UBE2D1: variants seen among roughly 807,000 people sequenced by gnomAD.
UBE2D1 encodes ubiquitin-conjugating enzyme E2 D1.
A neutral mutation model predicts 24.6 loss-of-function variants in UBE2D1; 9 were observed. The ratio of observed to expected loss-of-function variants is 0.37; its 90% CI spans 0.22 to 0.64. The LOEUF (loss-of-function observed/expected upper bound fraction) is 0.64, where lower values mean the gene tolerates loss of function less well. UBE2D1 is among the 30% of genes least tolerant of loss of function. The probability of loss-of-function intolerance (pLI) is 0.64; values close to 1 mark genes in which losing one functional copy is unlikely to be tolerated. For synonymous variants in UBE2D1, 57 were observed against 57.6 expected (o/e 0.99, Z 0.04); for missense variants, 87 against 177.1 (o/e 0.49, Z 2.89).
chr10:58,364,697 G>A, intron 4 of UBE2D1, 74 bp from the exon 5 acceptor site: 1 of 1,092,488 alleles, frequency 9.2e-7, no homozygotes, highest in Non-Finnish European at 1.3e-6. Context: ...TTACCCTAGA[G>A]CAAATTGGTT....
At chr10:58,349,570 A>C (rs962824850) in intron 1 of UBE2D1, among the ~76,000 whole-genome samples, 1 of 152,192 alleles carries the variant, frequency 6.6e-6, no homozygotes, top group Non-Finnish European at 1.5e-5. Flanking sequence ...TTTGATAGCC[A>C]TCTTTTCCAT....
intron 5 of UBE2D1, 89 bp from the exon 6 acceptor site, chr10:58,367,834 A>G (rs1840273254): frequency 2.5e-6 from 2 of 798,500 alleles, no homozygotes; most frequent in East Asian, 5.2e-5. Flanking sequence ...TAAGTACAGT[A>G]TCTATATTCA....
At chr10:58,343,919 C>CT (rs1839988234) in intron 1 of UBE2D1, among the ~76,000 whole-genome samples, 1 of 152,148 alleles carries the variant, frequency 6.6e-6, no homozygotes, top group Non-Finnish European at 1.5e-5. Context: ...GGTTTTCTCT[C>CT]TTTTTTCTTC....
chr10:58,337,986 A>G (rs577894481), intron 1 of UBE2D1, among the ~76,000 whole-genome samples: 1 of 152,110 alleles, frequency 6.6e-6, no homozygotes, highest in South Asian at 2.1e-4. Flanking sequence ...AGCTGGGACT[A>G]CAGGCGCATG....
At chr10:58,346,330 C>T (rs1330253999) in intron 1 of UBE2D1, among the ~76,000 whole-genome samples, 3 of 152,000 alleles carry the variant, frequency 2.0e-5, no homozygotes, top group South Asian at 2.1e-4. Flanking sequence ...CACTCTTAAT[C>T]ATAGGCATCC....
chr10:58,369,359 A>G lies in UBE2D1; in HGVS notation c.*594A>G, dbSNP rs916898620. 6.6e-6 allele frequency: 1 copy of G among 152,518 alleles called. No homozygotes were observed. Among genetic ancestry groups the G allele is most frequent in the African/African-American group, 2.4e-5 (1 of 41,436 alleles). 9.4% of individuals were successfully genotyped at this position (152,518 alleles called of 1,614,324 possible). A position where few individuals can be genotyped will look rare whatever the true frequency, so the allele number is the denominator to read the frequency against. ...TTGCAGATTTCTTAAATCTGAAATG[A>G]TCTTTACACTGTAATTCTCAGCATA... On this transcript the variant is annotated 3_prime_UTR_variant, in exon 7 of 7. Coordinates refer to ENST00000373910, the MANE Select transcript of UBE2D1 (RefSeq NM_003338.5).
At chr10:58,341,005 T>C (rs1239485458) in intron 1 of UBE2D1, among the ~76,000 whole-genome samples, 1 of 152,230 alleles carries the variant, frequency 6.6e-6, no homozygotes, top group African/African-American at 2.4e-5. Flanking sequence ...ACTGACACAT[T>C]GCTCAAATGT....
rs1191239324 is a variant in UBE2D1 at position 58,341,158 on chromosome 10, G to A, written c.24+5933G>A. Among the ~76,000 whole-genome samples, 3 of 152,178 alleles carry A rather than the reference G, an allele frequency of 2.0e-5. No individual in the cohort carries two copies. The East Asian group carries it at 5.8e-4, about 29-fold the overall frequency. ...CCAAAAGGATTTTGAAACATTGGTT[G>A]TAGTTCATAAATGCTCTGTCAAAAG... On this transcript the variant is annotated intron_variant, in intron 1 of 6. Transcript: ENST00000373910.
chr10:58,335,055 G>T lies in UBE2D1; in HGVS notation c.-147G>T, dbSNP rs941981762. 19 of 816,184 alleles carry T rather than the reference G, an allele frequency of 2.3e-5. 1 individual carries two copies. The highest frequency in any genetic ancestry group is 5.0e-5 in the South Asian group (3 of 60,032). 50.6% of individuals were successfully genotyped at this position (816,184 alleles called of 1,614,324 possible). A position where few individuals can be genotyped will look rare whatever the true frequency, so the allele number is the denominator to read the frequency against. ...GGGCGCACACGGAGCAGGGACCGGC[G>T]CCCGGAGCGAGCCAGGGAGCGGCTA... On this transcript the variant is annotated 5_prime_UTR_variant, in exon 1 of 7. Coordinates refer to ENST00000373910, the MANE Select transcript of UBE2D1 (RefSeq NM_003338.5).
At chr10:58,340,981 A>G (rs1345602137) in intron 1 of UBE2D1, among the ~76,000 whole-genome samples, 1 of 152,202 alleles carries the variant, frequency 6.6e-6, no homozygotes, top group Non-Finnish European at 1.5e-5. Flanking sequence ...ACCTTGGCAT[A>G]TTTGATCATT....
chr10:58,361,439 A>C (rs1451530772), intron 2 of UBE2D1, 38 bp downstream of exon 2: 1 of 1,613,976 alleles, frequency 6.2e-7, no homozygotes, highest in African/African-American at 1.3e-5. Flanking sequence ...TGCTACCTTT[A>C]AAAATATAGG....
intron 1 of UBE2D1, among the ~76,000 whole-genome samples, chr10:58,344,239 G>A (rs1028775330): frequency 2.0e-5 from 3 of 152,134 alleles, no homozygotes; most frequent in African/African-American, 7.2e-5. Flanking sequence ...CCTTAATACA[G>A]TACTGGAGCA....
At chr10:58,348,030 C>CT (rs775759508) in intron 1 of UBE2D1, among the ~76,000 whole-genome samples, 2 of 152,114 alleles carry the variant, frequency 1.3e-5, no homozygotes, top group Non-Finnish European at 2.9e-5. Flanking sequence ...CTTCATCTTC[C>CT]TTTTTTGTGG....
rs141485442 is a variant in UBE2D1, at chr10:58,339,958, T to C, written c.24+4733T>C. 2.6e-5 allele frequency among the ~76,000 whole-genome samples: 4 copies of C among 152,292 alleles called. No homozygotes were observed. The East Asian group carries it at 7.7e-4, about 29-fold the overall frequency. On this transcript the variant is annotated intron_variant, in intron 1 of 6. Transcript: ENST00000373910. ...TGAAGAGAGCATTCACTGAGATTAC[T>C]GAACTCACCAGATATACTATAAAGC...
At chr10:58,365,025 C>T in intron 5 of UBE2D1, 149 bp downstream of exon 5, 2 of 605,564 alleles carry the variant, frequency 3.3e-6, no homozygotes, top group Non-Finnish European at 5.5e-6. Flanking sequence ...TCTTATGTTA[C>T]TATGGCTTTT....
rs558606211 is a variant in UBE2D1, at chr10:58,363,563, A to C, written c.121-46A>C. On this transcript the variant is annotated intron_variant, in intron 3 of 6. Transcript: ENST00000373910. ...GGGGGAAATAATTTTGTTGTTATAA[A>C]TAAATATAGTAATCAAATGCTGATG... The C allele has an allele frequency of 2.9e-6, 4 of 1,366,610 alleles. No individual in the cohort carries two copies. The East Asian group carries it at 9.6e-5, about 33-fold the overall frequency. 84.7% of individuals were successfully genotyped at this position (1,366,610 alleles called of 1,614,324 possible).
chr10:58,344,869 T>G (rs1336314456), intron 1 of UBE2D1, among the ~76,000 whole-genome samples: 1 of 146,182 alleles, frequency 6.8e-6, no homozygotes, highest in African/African-American at 2.5e-5. Context: ...GTTTTTTTGT[T>G]TTTTTTTTTT....
intron 5 of UBE2D1, among the ~76,000 whole-genome samples, chr10:58,365,891 A>G (rs1840249972): frequency 6.6e-6 from 1 of 152,196 alleles, no homozygotes; most frequent in Non-Finnish European, 1.5e-5. Context: ...TAAAAGTAAT[A>G]AGGTTTATAG....
At chr10:58,355,681 C>A (rs1270161373) in intron 1 of UBE2D1, among the ~76,000 whole-genome samples, 1 of 152,004 alleles carries the variant, frequency 6.6e-6, no homozygotes, top group Admixed American at 6.6e-5. Context: ...AAAGTTTTAC[C>A]TCTAACATTT....
Sources: gnomAD v4.1 joint callset for allele counts (sites outside exome capture counted in the v4.1 genomes callset) on GRCh38, gnomAD v4.1.1 for gene constraint, MANE v1.5 for transcripts, NCBI Gene and HGNC (gene_info 2026-07-23, HGNC 2026-07-21) for gene names.